PIGN: variants seen among roughly 807,000 people sequenced by gnomAD.
The protein encoded by PIGN is phosphatidylinositol glycan anchor biosynthesis class N, also known as GPI ethanolamine phosphate transferase 1.
PIGN carries 117 observed loss-of-function variants against 125.4 expected under a neutral mutation model. That is an observed-to-expected ratio of 0.93 (90% CI 0.80 to 1.09). The LOEUF (loss-of-function observed/expected upper bound fraction) is 1.09. Among genes scored for constraint, PIGN ranks in the 50% least tolerant of loss-of-function variants. The probability of loss-of-function intolerance (pLI) is 0.00; values close to 1 mark genes in which losing one functional copy is unlikely to be tolerated. For missense variants in PIGN, 1,075 were observed against 1,094.9 expected, an observed-to-expected ratio of 0.98 and a Z score of 0.26; for synonymous variants, 392 against 377.8, an observed-to-expected ratio of 1.04 and a Z score of -0.44.
Position 62,146,969 on chromosome 18 carries a change from A to G in PIGN, c.805+2T>C, listed in dbSNP as rs2036353930. 6.2e-7 allele frequency: 1 copy of G among 1,610,952 alleles called. No homozygotes were observed. ...GTACATATCAATTAAAGACACACTA[A>G]CCCCAGTCTGTCATTCCATGGTCAG... On this transcript the variant is annotated splice_donor_variant, in intron 9 of 30. Coordinates refer to ENST00000640252, the MANE Select transcript of PIGN (RefSeq NM_176787.5). LOFTEE classifies it high-confidence loss of function.
In PIGN at chr18:62,056,069, AG is replaced by A. The variant is rs1444118579; in HGVS notation, c.2673-10091del. On this transcript the variant is annotated intron_variant, in intron 30 of 30. Coordinates refer to ENST00000640252, the MANE Select transcript of PIGN (RefSeq NM_176787.5). ...TTTTTGCCACTAAAAAAAAAAAAAA[AG>A]GCAAAAACCGCAATTACTTTTGCAC... 8.7e-4 allele frequency among the ~76,000 whole-genome samples: 124 copies of A among 142,832 alleles called. 1 individual carries two copies. The highest frequency in any genetic ancestry group is 3.0e-3 in the African/African-American group (118 of 39,374). 93.7% of individuals were successfully genotyped at this position (142,832 alleles called of 152,430 possible).
chr18:62,147,501 G>T (rs1270197369), intron 8 of PIGN, among the ~76,000 whole-genome samples: 2 of 152,026 alleles, frequency 1.3e-5, no homozygotes, highest in East Asian at 3.9e-4. Flanking sequence ...ATAATATCAT[G>T]TTTTGAACAC....
intron 16 of PIGN, 40 bp from the exon 17 acceptor site, chr18:62,110,013 A>G: frequency 6.3e-7 from 1 of 1,595,348 alleles, no homozygotes; most frequent in Non-Finnish European, 8.6e-7. Context: ...TTCCAAACCA[A>G]TGGTAATTGA....
Position 62,154,545 on chromosome 18 carries a change from C to A in PIGN, c.549G>T (p.Lys183Asn). The A allele has an allele frequency of 7.0e-7, 1 of 1,426,056 alleles. No individual in the cohort carries two copies. The highest frequency in any genetic ancestry group is 9.9e-7 in the Non-Finnish European group (1 of 1,010,500). The allele number at this position is 1,426,056 out of a possible 1,614,324, so 88.3% of individuals were successfully genotyped here. The part of the protein sequence containing the change: ...KLDTWVFDNV[K>N]DFFHHARNNQ... The stretch of plus-strand genomic sequence containing the variant: ...ATATTAACCACTCAATAGCACAAAC[C>A]TTAACATTATCAAAAACCCACGTAT... The change falls in exon 7 of 31, where the codon AAG (lysine) becomes AAT (asparagine). Residue 183 changes from lysine to asparagine, a missense_variant and splice_region_variant. Lys to Asn is a moderately conservative substitution (Grantham distance 94). Coordinates refer to ENST00000640252, the MANE Select transcript of PIGN (RefSeq NM_176787.5).
chr18:62,084,052 G>A (rs938858679), intron 27 of PIGN, among the ~76,000 whole-genome samples: 1 of 152,184 alleles, frequency 6.6e-6, no homozygotes, highest in African/African-American at 2.4e-5. Flanking sequence ...TGAACCCCTG[G>A]AAAGCTGAAA....
At chr18:62,182,989 TAG>T (rs1328381432) in intron 1 of PIGN, among the ~76,000 whole-genome samples, 1 of 152,222 alleles carries the variant, frequency 6.6e-6, no homozygotes, top group African/African-American at 2.4e-5. Flanking sequence ...GCATTCATAT[TAG>T]AGTTAGATAG....
chr18:62,101,104 A>T lies in PIGN; in HGVS notation c.2048T>A (p.Met683Lys). The T allele has an allele frequency of 6.2e-7, 1 of 1,609,802 alleles. No individual in the cohort carries two copies. Among genetic ancestry groups the T allele is most frequent in the African/African-American group, 1.3e-5 (1 of 75,004 alleles). ...SLLRKQGLPLMNQIISWATLA... is the reference protein window; with the variant it reads ...SLLRKQGLPLKNQIISWATLA... ...TGTTGCCCAGCTAATAATTTGATTCATGAGAGGCAGTCCTTGCTTCCTGAG... is the reference window on the plus strand; with the variant it reads ...TGTTGCCCAGCTAATAATTTGATTCTTGAGAGGCAGTCCTTGCTTCCTGAG... The change falls in exon 22 of 31, where the codon ATG (methionine) becomes AAG (lysine). Residue 683 changes from methionine to lysine, a missense_variant. Physicochemically the swap from Met to Lys is moderately conservative, Grantham distance 95. Coordinates refer to ENST00000640252, the MANE Select transcript of PIGN (RefSeq NM_176787.5).
intron 16 of PIGN, among the ~76,000 whole-genome samples, chr18:62,111,920 T>G (rs1320197810): frequency 6.6e-6 from 1 of 152,220 alleles, no homozygotes; most frequent in Non-Finnish European, 1.5e-5. Context: ...TATGAAATCT[T>G]GTTAACATAT....
chr18:62,027,326 G>A (rs927865851), intron 23 of PIGN, among the ~76,000 whole-genome samples: 3 of 152,196 alleles, frequency 2.0e-5, no homozygotes, highest in Non-Finnish European at 2.9e-5. Context: ...AACTTAGAAA[G>A]TTTATTTTGT....
At chr18:62,160,816 T>G (rs933900651) in intron 4 of PIGN, among the ~76,000 whole-genome samples, 2 of 152,204 alleles carry the variant, frequency 1.3e-5, no homozygotes, top group African/African-American at 4.8e-5. Context: ...GCCAGCAGAC[T>G]TATTTTTTAA....
chr18:62,035,513 A>G (rs2030247243), intron 23 of PIGN, among the ~76,000 whole-genome samples: 1 of 152,052 alleles, frequency 6.6e-6, no homozygotes, highest in African/African-American at 2.4e-5. Context: ...TAAGAAACCT[A>G]ACTTATTACT....
chr18:62,145,216 T>G (rs1418945757), intron 10 of PIGN, among the ~76,000 whole-genome samples: 1 of 152,232 alleles, frequency 6.6e-6, no homozygotes, highest in Admixed American at 6.5e-5. Context: ...AGCTTCTTTT[T>G]CTTTCATGCT....
Position 62,045,592 on chromosome 18 carries a change from C to A in PIGN, c.*264G>T. 1 of 281,136 alleles carries A rather than the reference C, an allele frequency of 3.6e-6. No individual in the cohort carries two copies. Among genetic ancestry groups the A allele is most frequent in the African/African-American group, 2.2e-5 (1 of 45,216 alleles). The allele number at this position is 281,136 out of a possible 1,614,324, so 17.4% of individuals were successfully genotyped here. Reference sequence around the variant, plus strand: ...TCTCAACATCACTGGGAAGAGCTGCCAGCCAAAGGAAAAAAATGAAAAAGG... The same window carrying A: ...TCTCAACATCACTGGGAAGAGCTGCAAGCCAAAGGAAAAAAATGAAAAAGG... On this transcript the variant is annotated 3_prime_UTR_variant, in exon 31 of 31. Transcript: ENST00000640252.
At chr18:62,101,963 C>T (rs1028389904) in intron 21 of PIGN, among the ~76,000 whole-genome samples, 6 of 152,090 alleles carry the variant, frequency 3.9e-5, no homozygotes, top group Non-Finnish European at 7.3e-5. Context: ...TGTGGTGGCT[C>T]ACGCCTGTAA....
At chr18:62,070,255 G>T (rs2145651696) in intron 30 of PIGN, 1 of 395,168 alleles carries the variant, frequency 2.5e-6, no homozygotes, top group East Asian at 3.6e-5. Flanking sequence ...CCCATGCTCT[G>T]GCCACTATCC....
chr18:62,126,603 T>C (rs1356675961), intron 14 of PIGN, among the ~76,000 whole-genome samples: 3 of 152,168 alleles, frequency 2.0e-5, no homozygotes, highest in Non-Finnish European at 2.9e-5. Flanking sequence ...AAAACAATAT[T>C]AGCACTTCCT....
intron 14 of PIGN, among the ~76,000 whole-genome samples, chr18:62,125,230 G>A (rs988217954): frequency 6.8e-6 from 1 of 146,174 alleles, no homozygotes; most frequent in African/African-American, 2.6e-5. Flanking sequence ...TTGTACATAT[G>A]TGTATATAAA....
rs749774112 is a variant in PIGN, at chr18:62,104,106, A to G, written c.1860-1204T>C. Among the ~76,000 whole-genome samples the G allele has an allele frequency of 1.6e-4, 24 of 152,164 alleles. 1 individual carries two copies. The highest frequency in any genetic ancestry group is 1.1e-3 in the Admixed American group (17 of 15,274). ...TGAAAAGGAGAGTAGAAATTTCCCC[A>G]TGAACCAGGAATCAAAATAAATAAG... On this transcript the variant is annotated intron_variant, in intron 20 of 30. Transcript: ENST00000640252.
rs772075726 is a variant in PIGN at position 62,095,927 on chromosome 18, G to T, written c.2101C>A (p.Leu701Met). Residue 701 changes from leucine (L) to methionine (M), a missense_variant, in exon 23 of 31, where the codon CTG becomes ATG. Physicochemically the swap from Leu to Met is conservative, Grantham distance 15. This residue lies in a region of PIGN where 915 missense variants were observed against 908.7 expected (regional missense o/e 1.01). Transcript: ENST00000640252. ...TLASSLVVPL[L>M]SSPVLFQRLF... ...CGCTGAAAGAGAACTGGAGAACTCA[G>T]TAGTGGCACAACCAAGGAAGAGGCT... 3.1e-6 allele frequency: 5 copies of T among 1,611,814 alleles called. No individual in the cohort carries two copies. The South Asian group carries it at 5.5e-5, about 18-fold the overall frequency.
Sources: allele counts gnomAD v4.1 joint callset (sites outside exome capture counted in the v4.1 genomes callset), GRCh38; gene constraint gnomAD v4.1.1; regional missense constraint gnomAD v4.1.1; transcripts MANE v1.5; gene names NCBI Gene and HGNC (gene_info 2026-07-23, HGNC 2026-07-21).